BIRC5: variants seen among roughly 807,000 people sequenced by gnomAD.
BIRC5 encodes baculoviral IAP repeat containing 5.
Under a neutral mutation model 15.8 loss-of-function variants are expected in BIRC5, and 8 were observed. The observed-to-expected ratio is 0.51, with a 90% CI of 0.30 to 0.91. BIRC5 has a LOEUF of 0.91. BIRC5 is among the 40% of genes least tolerant of loss of function. The pLI, the probability that BIRC5 is intolerant of heterozygous loss-of-function variation, is 0.07. For missense variants in BIRC5, 163 were observed against 178.6 expected (o/e 0.91, Z 0.50); for synonymous variants, 56 against 64.5 (o/e 0.87, Z 0.63).
intron 2 of BIRC5, chr17:78,215,183 G>A (rs1196202959): frequency 5.9e-6 from 1 of 169,194 alleles, no homozygotes; most frequent in Non-Finnish European, 1.3e-5. Context: ...TTCGGAGGCT[G>A]AGGCGGGCGG....
chr17:78,220,593 G>A lies in BIRC5; in HGVS notation c.340-2872G>A, dbSNP rs569766686. On this transcript the variant is annotated intron_variant, in intron 3 of 3. Transcript: ENST00000350051. ...GACATTACAGCCTGCAAGAAAAGTA[G>A]GGAGATTTAAAAACTGCTTGGCTTT... Among the ~76,000 whole-genome samples the A allele has an allele frequency of 9.2e-5, 14 of 152,244 alleles. No homozygotes were observed. The South Asian group carries it at 2.9e-3, about 32-fold the overall frequency.
In BIRC5 at chr17:78,220,345, G is replaced by A. The variant is rs543538431; in HGVS notation, c.340-3120G>A. ...CGGGAGGCTGAGGCAGGAGAATGGC[G>A]TGAACCTGGGAGGTGGAGCTTGCAG... On this transcript the variant is annotated intron_variant, in intron 3 of 3. Coordinates refer to ENST00000350051, the MANE Select transcript of BIRC5 (RefSeq NM_001168.3). Among the ~76,000 whole-genome samples the A allele has an allele frequency of 2.6e-5, 4 of 152,110 alleles. No homozygotes were observed. In the East Asian group the frequency reaches 5.8e-4, roughly 22 times the overall value.
intron 3 of BIRC5, among the ~76,000 whole-genome samples, chr17:78,221,555 T>C (rs754789776): frequency 6.6e-6 from 1 of 152,154 alleles, no homozygotes; most frequent in Non-Finnish European, 1.5e-5. Context: ...GCCTCCCAAG[T>C]AGCTGGGACT....
chr17:78,221,763 G>A (rs17879245), intron 3 of BIRC5, among the ~76,000 whole-genome samples: 3 of 152,286 alleles, frequency 2.0e-5, no homozygotes, highest in African/African-American at 4.8e-5. Flanking sequence ...AAGGAGCTTC[G>A]CTAATTTAAG....
intron 3 of BIRC5, among the ~76,000 whole-genome samples, chr17:78,218,373 A>C (rs1341654164): frequency 2.0e-5 from 3 of 150,754 alleles, no homozygotes; most frequent in Admixed American, 1.3e-4. Flanking sequence ...GGCTCACTGC[A>C]ACCTCTGCCT....
intron 3 of BIRC5, among the ~76,000 whole-genome samples, chr17:78,222,013 T>C (rs1272995886): frequency 6.6e-6 from 1 of 151,688 alleles, no homozygotes; most frequent in African/African-American, 2.4e-5. Flanking sequence ...GCCTGGGCAA[T>C]GTGGCCAGAC....
At chr17:78,220,935 T>G (rs1267285546) in intron 3 of BIRC5, among the ~76,000 whole-genome samples, 1 of 152,150 alleles carries the variant, frequency 6.6e-6, no homozygotes, top group Non-Finnish European at 1.5e-5. Context: ...ATTCCCAAGA[T>G]CCCAGATTTG....
At chr17:78,222,945 C>T in intron 3 of BIRC5, 1 of 1,528,604 alleles carries the variant, frequency 6.5e-7, no homozygotes, top group Non-Finnish European at 8.7e-7. Context: ...TTTAACTGGA[C>T]ATGAAGAGGA....
chr17:78,214,566 C>T (rs1272005286), intron 1 of BIRC5, 114 bp from the exon 2 acceptor site: 1 of 1,279,474 alleles, frequency 7.8e-7, no homozygotes, highest in Non-Finnish European at 1.1e-6. Context: ...TGGCTGGGCC[C>T]CTTGGGTCCA....
chr17:78,214,779 G>A lies in BIRC5; in HGVS notation c.211G>A (p.Asp71Asn). The change falls in exon 2 of 4, where the codon GAC becomes AAC. Residue 71 changes from aspartate (D) to asparagine (N), a missense_variant. Asp to Asn is a conservative substitution (Grantham distance 23). Transcript: ENST00000350051. Reference sequence around the variant, plus strand: ...GGAGCTGGAAGGCTGGGAGCCAGATGACGACCCCATGTAAGTCTTCTCTGG... The same window carrying A: ...GGAGCTGGAAGGCTGGGAGCCAGATAACGACCCCATGTAAGTCTTCTCTGG... ...FKELEGWEPD[D>N]DPIEEHKKHS... is the part of the protein sequence containing the mutation. 1 of 1,612,662 alleles carries A rather than the reference G, an allele frequency of 6.2e-7. No individual in the cohort carries two copies. Among genetic ancestry groups the A allele is most frequent in the Non-Finnish European group, 8.5e-7 (1 of 1,179,380 alleles).
At chr17:78,217,100 G>C (rs573412501) in intron 3 of BIRC5, among the ~76,000 whole-genome samples, 20 of 151,670 alleles carry the variant, frequency 1.3e-4, no homozygotes, top group African/African-American at 4.4e-4. Context: ...GGCTGGTCTT[G>C]AACTCCTGAC....
At chr17:78,217,339 G>A (rs1216811509) in intron 3 of BIRC5, among the ~76,000 whole-genome samples, 2 of 149,512 alleles carry the variant, frequency 1.3e-5, no homozygotes, top group Admixed American at 6.7e-5. Flanking sequence ...CCACACCCAG[G>A]TAATTTTTGT....
At chr17:78,221,198 A>C (rs2076513048) in intron 3 of BIRC5, among the ~76,000 whole-genome samples, 1 of 152,248 alleles carries the variant, frequency 6.6e-6, no homozygotes, top group African/African-American at 2.4e-5. Flanking sequence ...ACTTGTGATG[A>C]GGACAAAACG....
chr17:78,215,867 T>C (rs185481360), intron 2 of BIRC5: 3 of 1,062,422 alleles, frequency 2.8e-6, no homozygotes, highest in Middle Eastern at 2.8e-4. Flanking sequence ...TAGTCAGTTA[T>C]ACAGGGAGAC....
Position 78,224,051 on chromosome 17 carries a change from G to GTGTTTTTTTTTTTTTTTT in BIRC5, c.*498_*499insGTTTTTTTTTTTTTTTTT, listed in dbSNP as rs1567867388. 8.7e-6 allele frequency: 1 copy of GTGTTTTTTTTTTTTTTTT among 114,834 alleles called. No individual in the cohort carries two copies. 7.1% of individuals were successfully genotyped at this position (114,834 alleles called of 1,614,324 possible). A position where few individuals can be genotyped will look rare whatever the true frequency, so the allele number is the denominator to read the frequency against. On this transcript the variant is annotated 3_prime_UTR_variant, in exon 4 of 4. Transcript: ENST00000350051. Reference sequence around the variant, plus strand: ...CTCCTCAGAGGACAGTTTTTTTGTTGTTGTGTTTTTTTGTTTTTTTTTTTT... The same window carrying GTGTTTTTTTTTTTTTTTT: ...CTCCTCAGAGGACAGTTTTTTTGTTGTGTTTTTTTTTTTTTTTTTTGTGTTTTTTTGTTTTTTTTTTTT...
chr17:78,217,760 G>A (rs981976963), intron 3 of BIRC5, among the ~76,000 whole-genome samples: 1 of 151,278 alleles, frequency 6.6e-6, no homozygotes, highest in African/African-American at 2.4e-5. Flanking sequence ...GCCTCCCAAA[G>A]TGCTGGGATT....
chr17:78,218,958 G>A (rs1311829716), intron 3 of BIRC5, among the ~76,000 whole-genome samples: 2 of 152,100 alleles, frequency 1.3e-5, no homozygotes, highest in Admixed American at 6.6e-5. Context: ...CACAGAATAA[G>A]TACTGGGGGA....
At chr17:78,222,733 G>GT in intron 3 of BIRC5, 4 of 1,450,676 alleles carry the variant, frequency 2.8e-6, no homozygotes, top group Non-Finnish European at 3.6e-6. Context: ...AAAGGTCTTT[G>GT]TTTTTTAATG....
chr17:78,214,741 T>G lies in BIRC5; in HGVS notation c.173T>G (p.Phe58Cys). Residue 58 changes from phenylalanine to cysteine, a missense_variant, in exon 2 of 4, where the codon TTC becomes TGC. Coordinates refer to ENST00000350051, the MANE Select transcript of BIRC5 (RefSeq NM_001168.3). ...AACGAGCCAGACTTGGCCCAGTGTT[T>G]CTTCTGCTTCAAGGAGCTGGAAGGC... ...TENEPDLAQC[F>C]FCFKELEGWE... The G allele has an allele frequency of 6.2e-7, 1 of 1,613,264 alleles. No homozygotes were observed. Among genetic ancestry groups the G allele is most frequent in the Non-Finnish European group, 8.5e-7 (1 of 1,179,666 alleles).
Sources: allele counts gnomAD v4.1 joint callset (sites outside exome capture counted in the v4.1 genomes callset), GRCh38; gene constraint gnomAD v4.1.1; transcripts MANE v1.5; gene names NCBI Gene and HGNC (gene_info 2026-07-23, HGNC 2026-07-21).